LIPM: variants seen among roughly 807,000 people sequenced by gnomAD.
LIPM encodes the protein lipase family member M.
LIPM carries 42 observed loss-of-function variants against 42.4 expected under a neutral mutation model. That is an observed-to-expected ratio of 0.99 (90% CI 0.77 to 1.28). The LOEUF (loss-of-function observed/expected upper bound fraction) is 1.28, where lower values mean the gene tolerates loss of function less well. Among genes scored for constraint, LIPM ranks in the 50% most tolerant of loss-of-function variants. The pLI is 0.00. For synonymous variants in LIPM, 177 were observed against 173.3 expected, an observed-to-expected ratio of 1.02 and a Z score of -0.17; for missense variants, 524 against 520.1, an observed-to-expected ratio of 1.01 and a Z score of -0.07.
At chr10:88,806,107 T>A (rs303533) in intron 1 of LIPM, 70,997 of 423,084 alleles carry the variant, frequency 0.17, 6,559 homozygotes, top group Non-Finnish European at 0.21. Context: ...GGTGATCTGT[T>A]GACAGCACTT....
At chr10:88,814,690 C>T (rs1307578817) in intron 4 of LIPM, 51 bp downstream of exon 4, 28 of 1,326,546 alleles carry the variant, frequency 2.1e-5, no homozygotes, top group East Asian at 5.0e-5. Context: ...TGTGAGCATA[C>T]GACACTAGCT....
At chr10:88,813,530 G>A (rs1843679931) in intron 3 of LIPM, among the ~76,000 whole-genome samples, 1 of 151,968 alleles carries the variant, frequency 6.6e-6, no homozygotes, top group Non-Finnish European at 1.5e-5. Context: ...GGTGGTTGGT[G>A]TCAGGTGACT....
At chr10:88,812,500 A>C (rs1368071240) in intron 2 of LIPM, among the ~76,000 whole-genome samples, 1 of 152,168 alleles carries the variant, frequency 6.6e-6, no homozygotes, top group African/African-American at 2.4e-5. Context: ...GCATTCTGTA[A>C]ATAAGAGCTT....
At chr10:88,808,260 G>C in intron 1 of LIPM, 38 bp from the exon 2 acceptor site, 1 of 1,168,692 alleles carries the variant, frequency 8.6e-7, no homozygotes. Flanking sequence ...TATGGCCACA[G>C]AGAACTGAAC....
chr10:88,811,878 T>C (rs1843660459), intron 2 of LIPM, among the ~76,000 whole-genome samples: 1 of 152,098 alleles, frequency 6.6e-6, no homozygotes, highest in Admixed American at 6.5e-5. Flanking sequence ...CTTCTATAAC[T>C]GCAATACCTT....
In LIPM at chr10:88,808,281, T is replaced by C; in HGVS notation, c.148-17T>C. On this transcript the variant is annotated splice_polypyrimidine_tract_variant and intron_variant, in intron 1 of 8. Coordinates refer to ENST00000404743, the MANE Select transcript of LIPM (RefSeq NM_001128215.1). Reference sequence around the variant, plus strand: ...CACAGAGAACTGAACCTAAAAGAAATTGTGCTTTTTCCATAGAGTGAAATC... The same window carrying C: ...CACAGAGAACTGAACCTAAAAGAAACTGTGCTTTTTCCATAGAGTGAAATC... The C allele has an allele frequency of 7.1e-7, 1 of 1,417,998 alleles. No homozygotes were observed. The highest frequency in any genetic ancestry group is 9.8e-7 in the Non-Finnish European group (1 of 1,025,402). The allele number at this position is 1,417,998 out of a possible 1,614,324, so 87.8% of individuals were successfully genotyped here.
In LIPM at chr10:88,813,486, T is replaced by A. The variant is rs576113917; in HGVS notation, c.464+191T>A. Among the ~76,000 whole-genome samples the A allele has an allele frequency of 3.3e-5, 5 of 152,234 alleles. No homozygotes were observed. The South Asian group carries it at 8.3e-4, about 25-fold the overall frequency. ...GTAGTGAGGAATGCTGAGTTCCCCA[T>A]GTAGAAGGTGGGTCTAGCTAATAGG... On this transcript the variant is annotated intron_variant, in intron 3 of 8. Transcript: ENST00000404743.
At chr10:88,808,436 C>A in intron 2 of LIPM, 21 bp downstream of exon 2, 1 of 1,320,630 alleles carries the variant, frequency 7.6e-7, no homozygotes, top group Non-Finnish European at 1.1e-6. Flanking sequence ...CCCCATGTCA[C>A]CGCAACACAG....
At chr10:88,804,496 G>A (rs1272505095) in intron 1 of LIPM, among the ~76,000 whole-genome samples, 3 of 152,172 alleles carry the variant, frequency 2.0e-5, no homozygotes, top group Non-Finnish European at 4.4e-5. Context: ...AACTGGTTCT[G>A]AGGTAGGAGA....
At chr10:88,813,363 G>A (rs755791957) in intron 3 of LIPM, 68 bp downstream of exon 3, 47 of 1,276,996 alleles carry the variant, frequency 3.7e-5, no homozygotes, top group East Asian at 5.3e-5. Context: ...AAAAAATTAC[G>A]GCTTCTAGTA....
intron 2 of LIPM, among the ~76,000 whole-genome samples, chr10:88,809,908 C>T (rs1843633847): frequency 6.6e-6 from 1 of 152,160 alleles, no homozygotes; most frequent in African/African-American, 2.4e-5. Flanking sequence ...ATGCAGCTTG[C>T]CTTGGCCCTT....
At chr10:88,811,592 A>G (rs1416544456) in intron 2 of LIPM, among the ~76,000 whole-genome samples, 1 of 152,124 alleles carries the variant, frequency 6.6e-6, no homozygotes, top group Admixed American at 6.5e-5. Context: ...ATCCTTCTCT[A>G]TTCTCTACTG....
At position 88,802,860 on chromosome 10, in the gene LIPM, TACATTGGC is replaced by T; in HGVS notation, c.-35_-28del. 6.6e-7 allele frequency: 1 copy of T among 1,514,320 alleles called. No homozygotes were observed. The highest frequency in any genetic ancestry group is 8.8e-7 in the Non-Finnish European group (1 of 1,131,936). The allele number at this position is 1,514,320 out of a possible 1,614,324, so 93.8% of individuals were successfully genotyped here. On this transcript the variant is annotated 5_prime_UTR_variant, in exon 1 of 9. Transcript: ENST00000404743. ...TTCTTCTTACTTTAGAATTAGTTGTTACATTGGCAGGAAAAAATAAATGCAGATGTTGG... is the reference window on the plus strand; with the variant it reads ...TTCTTCTTACTTTAGAATTAGTTGTTAGGAAAAAATAAATGCAGATGTTGG...
At position 88,814,562 on chromosome 10, in the gene LIPM, C is replaced by T. The variant is rs1843694709; in HGVS notation, c.497C>T (p.Ala166Val). 1 of 1,551,456 alleles carries T rather than the reference C, an allele frequency of 6.4e-7. No individual in the cohort carries two copies. ...GAGATGGCTAGGTTTGACCTTCCTG[C>T]AGTGATAAACTTTATTTTGCAGAAA... ...YDEMARFDLP[A>V]VINFILQKTG... The change falls in exon 4 of 9, where the codon GCA (alanine) becomes GTA (valine). Residue 166 changes from alanine to valine, a missense_variant. Transcript: ENST00000404743.
At chr10:88,815,324 C>G in intron 5 of LIPM, 33 bp from the exon 6 acceptor site, 1 of 1,549,536 alleles carries the variant, frequency 6.5e-7, no homozygotes, top group Non-Finnish European at 8.7e-7. Flanking sequence ...TCTTTTCTGT[C>G]TGTCATGTCT....
intron 8 of LIPM, among the ~76,000 whole-genome samples, chr10:88,819,018 G>A (rs756184898): frequency 3.3e-5 from 5 of 151,946 alleles, no homozygotes; most frequent in Non-Finnish European, 7.4e-5. Flanking sequence ...CTCCCGAGTA[G>A]CTGGGACTAC....
At chr10:88,804,461 T>C (rs1041965301) in intron 1 of LIPM, among the ~76,000 whole-genome samples, 2 of 152,002 alleles carry the variant, frequency 1.3e-5, no homozygotes, top group Non-Finnish European at 2.9e-5. Context: ...TTCAACAAAA[T>C]AGAATAAAAG....
chr10:88,808,280 A>T lies in LIPM; in HGVS notation c.148-18A>T. On this transcript the variant is annotated intron_variant, in intron 1 of 8. Transcript: ENST00000404743. ...CCACAGAGAACTGAACCTAAAAGAA[A>T]TTGTGCTTTTTCCATAGAGTGAAAT... is the stretch of plus-strand genomic sequence containing the variant. 7.1e-7 allele frequency: 1 copy of T among 1,416,198 alleles called. No individual in the cohort carries two copies. Among genetic ancestry groups the T allele is most frequent in the Non-Finnish European group, 9.8e-7 (1 of 1,023,528 alleles). 87.7% of individuals were successfully genotyped at this position (1,416,198 alleles called of 1,614,324 possible). A position where few individuals can be genotyped will look rare whatever the true frequency, so the allele number is the denominator to read the frequency against.
At chr10:88,803,274 A>C (rs1451540509) in intron 1 of LIPM, among the ~76,000 whole-genome samples, 2 of 152,200 alleles carry the variant, frequency 1.3e-5, no homozygotes, top group Non-Finnish European at 2.9e-5. Context: ...TTTGAGCTTC[A>C]AACACAATTT....
Sources: allele counts gnomAD v4.1 joint callset (sites outside exome capture counted in the v4.1 genomes callset), GRCh38; gene constraint gnomAD v4.1.1; transcripts MANE v1.5; gene names NCBI Gene and HGNC (gene_info 2026-07-23, HGNC 2026-07-21).